Variants in VWA8 observed in about 807,000 individuals in gnomAD.
VWA8 encodes von Willebrand factor A domain-containing protein 8.
A neutral mutation model predicts 241.5 loss-of-function variants in VWA8; 221 were observed. The observed-to-expected ratio is 0.91, with a 90% CI of 0.82 to 1.02. VWA8 has a LOEUF of 1.02. VWA8 is among the 50% of genes least tolerant of loss of function. The pLI is 0.00. For missense variants in VWA8, 2,322 were observed against 2,328.7 expected (o/e 1.00, Z 0.06); for synonymous variants, 852 against 827.1 (o/e 1.03, Z -0.52).
chr13:41,747,677 A>AG (rs138845301), intron 21 of VWA8, among the ~76,000 whole-genome samples: 104,992 of 151,866 alleles, frequency 0.69, 38,180 homozygotes, highest in South Asian at 0.83. Context: ...GTCTTGTGCC[A>AG]TTTTCAAAGG....
intron 2 of VWA8, among the ~76,000 whole-genome samples, chr13:41,931,098 G>A (rs373951227): frequency 2.0e-5 from 3 of 149,768 alleles, no homozygotes; most frequent in Non-Finnish European, 4.4e-5. Flanking sequence ...GCAGTGAGCC[G>A]AGATTGCGCC....
intron 15 of VWA8, among the ~76,000 whole-genome samples, chr13:41,818,242 C>T (rs1262049114): frequency 2.0e-5 from 3 of 148,794 alleles, no homozygotes; most frequent in African/African-American, 7.4e-5. Flanking sequence ...GGATTACAGG[C>T]ATGAGCCACC....
chr13:41,745,916 T>A (rs35446367), intron 21 of VWA8, among the ~76,000 whole-genome samples: 1 of 152,166 alleles, frequency 6.6e-6, no homozygotes, highest in Non-Finnish European at 1.5e-5. Flanking sequence ...TATCACTGAT[T>A]TCATCATAGA....
rs201920223 is a variant in VWA8, at chr13:41,721,562, G to C, written c.2772C>G (p.Ser924Arg). 1 of 1,612,238 alleles carries C rather than the reference G, an allele frequency of 6.2e-7. No homozygotes were observed. The highest frequency in any genetic ancestry group is 8.5e-7 in the Non-Finnish European group (1 of 1,179,174). ...GTTTGGGGTTATCAACTGCATGGCA[G>C]CTAAAAATATCACCTAAAGGAGAGA... ...DFFGTLGDIF[S>R]CHAVDNPKPH... The change falls in exon 25 of 45, where the codon AGC becomes AGG. Residue 924 changes from serine (S) to arginine (R), a missense_variant. Ser to Arg is a moderately radical substitution (Grantham distance 110). Transcript: ENST00000379310.
chr13:41,676,461 T>A (rs2045060787), intron 35 of VWA8, among the ~76,000 whole-genome samples: 1 of 152,218 alleles, frequency 6.6e-6, no homozygotes, highest in African/African-American at 2.4e-5. Context: ...TATGCATGTA[T>A]GACATTTCCC....
rs141998118 is a variant in VWA8, at chr13:41,744,362, T to C, written c.2427-12207A>G. ...TGAAGATAAATGTATAAATAATTCT[T>C]AGATCTTCTAGCAATACTTTTAATT... On this transcript the variant is annotated intron_variant, in intron 21 of 44. Transcript: ENST00000379310. Among the ~76,000 whole-genome samples the C allele has an allele frequency of 1.5e-3, 233 of 152,364 alleles. 1 individual carries two copies. The highest frequency in any genetic ancestry group is 5.2e-3 in the African/African-American group (217 of 41,582).
At position 41,891,601 on chromosome 13, in the gene VWA8, A is replaced by T. The variant is rs1270472176; in HGVS notation, c.484-14T>A. 6.2e-7 allele frequency: 1 copy of T among 1,613,350 alleles called. No homozygotes were observed. Among genetic ancestry groups the T allele is most frequent in the Non-Finnish European group, 8.5e-7 (1 of 1,179,778 alleles). ...ACGAACTGCACACTATTTCCAAGAA[A>T]CGTAAAAGCAAAATGAGAATACTGA... On this transcript the variant is annotated splice_polypyrimidine_tract_variant and intron_variant, in intron 4 of 44. Coordinates refer to ENST00000379310, the MANE Select transcript of VWA8 (RefSeq NM_015058.2).
chr13:41,693,088 G>T (rs2045190967), intron 29 of VWA8, 116 bp from the exon 30 acceptor site: 2 of 634,992 alleles, frequency 3.1e-6, no homozygotes, highest in Non-Finnish European at 5.3e-6. Flanking sequence ...TCAAAACAAA[G>T]ACAATATTGT....
intron 37 of VWA8, among the ~76,000 whole-genome samples, chr13:41,649,107 C>T (rs938370286): frequency 6.6e-6 from 1 of 152,174 alleles, no homozygotes; most frequent in Non-Finnish European, 1.5e-5. Flanking sequence ...ATCACTTGAA[C>T]CCGGGAGGCG....
chr13:41,865,776 T>C lies in VWA8; in HGVS notation c.1385A>G (p.Asp462Gly). 1 of 1,614,136 alleles carries C rather than the reference T, an allele frequency of 6.2e-7. No homozygotes were observed. Among genetic ancestry groups the C allele is most frequent in the East Asian group, 2.2e-5 (1 of 44,874 alleles). ...AGGTTCTATGTTGTATCCTAAGGTA[T>C]CGGCAAAGTTCTTAGCGATCACTGT... ...GKTVIAKNFADTLGYNIEPIM... is the reference protein window; with the variant it reads ...GKTVIAKNFAGTLGYNIEPIM... Residue 462 changes from aspartate to glycine, a missense_variant, in exon 12 of 45, where the codon GAT becomes GGT. By Grantham distance (94) the Asp-to-Gly change is moderately conservative. Coordinates refer to ENST00000379310, the MANE Select transcript of VWA8 (RefSeq NM_015058.2).
intron 17 of VWA8, among the ~76,000 whole-genome samples, chr13:41,808,181 C>CT (rs759186361): frequency 2.0e-5 from 3 of 152,042 alleles, no homozygotes; most frequent in Non-Finnish European, 2.9e-5. Context: ...TAAAAAAACA[C>CT]TGAGTATAGA....
intron 37 of VWA8, among the ~76,000 whole-genome samples, chr13:41,662,723 T>C (rs747955940): frequency 1.4e-4 from 22 of 152,150 alleles, no homozygotes; most frequent in Non-Finnish European, 3.1e-4. Flanking sequence ...AGTTTTAGGG[T>C]ACATGTGCAC....
intron 37 of VWA8, among the ~76,000 whole-genome samples, chr13:41,652,143 T>C (rs1228444381): frequency 6.6e-6 from 1 of 152,188 alleles, no homozygotes; most frequent in Non-Finnish European, 1.5e-5. Context: ...CCTGAGACCC[T>C]CCTGGCCTGT....
intron 29 of VWA8, among the ~76,000 whole-genome samples, chr13:41,695,421 A>G (rs1442547107): frequency 2.0e-5 from 3 of 152,318 alleles, no homozygotes; most frequent in Non-Finnish European, 2.9e-5. Context: ...AATTCATGGA[A>G]GTACTTCTCT....
intron 36 of VWA8, among the ~76,000 whole-genome samples, chr13:41,672,857 C>A (rs1212047227): frequency 1.3e-5 from 2 of 152,078 alleles, no homozygotes; most frequent in Admixed American, 1.3e-4. Context: ...AGGGGCTATT[C>A]AAGAATAATG....
chr13:41,703,371 T>C lies in VWA8; in HGVS notation c.3157A>G (p.Ile1053Val), dbSNP rs1394273755. 1.9e-6 allele frequency: 3 copies of C among 1,614,024 alleles called. No homozygotes were observed. The African/African-American group carries it at 4.0e-5, about 22-fold the overall frequency. The change falls in exon 27 of 45, where the codon ATT (isoleucine) becomes GTT (valine). Residue 1053 changes from isoleucine to valine, a missense_variant. Ile to Val is a conservative substitution (Grantham distance 29, BLOSUM62 3). Transcript: ENST00000379310. ...TGCATCCCACTTCTTGCCTGACCAA[T>C]TGTCCAGTAGCCCATGAACGTTTGT... ...PEQTFMGYWT[I>V]GQARSGMQKL...
chr13:41,661,067 T>C (rs2044946944), intron 37 of VWA8, among the ~76,000 whole-genome samples: 1 of 152,164 alleles, frequency 6.6e-6, no homozygotes, highest in Non-Finnish European at 1.5e-5. Context: ...GGTTTCACCA[T>C]GTTGGCCAGG....
intron 37 of VWA8, among the ~76,000 whole-genome samples, chr13:41,660,269 C>T (rs1416272317): frequency 6.6e-6 from 1 of 152,100 alleles, no homozygotes; most frequent in Non-Finnish European, 1.5e-5. Flanking sequence ...GTGCATGCCA[C>T]CATGCCTGGC....
intron 9 of VWA8, among the ~76,000 whole-genome samples, chr13:41,882,647 T>C (rs1874297072): frequency 1.3e-5 from 2 of 152,076 alleles, no homozygotes; most frequent in African/African-American, 2.4e-5. Context: ...ACCAAAAAAA[T>C]ACGAAAACCA....
Sources: gnomAD v4.1 joint callset for allele counts (sites outside exome capture counted in the v4.1 genomes callset) on GRCh38, gnomAD v4.1.1 for gene constraint, MANE v1.5 for transcripts, NCBI Gene and HGNC (gene_info 2026-07-23, HGNC 2026-07-21) for gene names.